The following SOX5 variants were observed in gnomAD, a reference collection of about 807,000 sequenced individuals.
SOX5 encodes the protein SRY-box transcription factor 5, also known as transcription factor SOX-5.
Under a neutral mutation model 92.0 loss-of-function variants are expected in SOX5, and 9 were observed. The ratio of observed to expected loss-of-function variants is 0.10; its 90% CI spans 0.06 to 0.17. SOX5 has a LOEUF of 0.17. Ranked by LOEUF, SOX5 falls within the 10% of genes least tolerant of loss-of-function variation. SOX5 has a pLI of 1.00. For missense variants in SOX5, 642 were observed against 944.5 expected, an observed-to-expected ratio of 0.68 and a Z score of 4.20; for synonymous variants, 344 against 336.3, an observed-to-expected ratio of 1.02 and a Z score of -0.25.
At chr12:23,963,472 G>T (rs569403741) in intron 4 of SOX5, among the ~76,000 whole-genome samples, 1 of 152,140 alleles carries the variant, frequency 6.6e-6, no homozygotes, top group African/African-American at 2.4e-5. Context: ...GCAGATGCAG[G>T]ATTCAGGGGA....
intron 1 of SOX5, among the ~76,000 whole-genome samples, chr12:24,435,519 T>C (rs924297564): frequency 2.6e-5 from 4 of 152,242 alleles, no homozygotes; most frequent in Admixed American, 6.5e-5. Context: ...TACTAGATTA[T>C]ACATTTCTTG....
At chr12:24,083,750 T>C (rs1332533519) in intron 4 of SOX5, among the ~76,000 whole-genome samples, 1 of 151,908 alleles carries the variant, frequency 6.6e-6, no homozygotes, top group Non-Finnish European at 1.5e-5. Context: ...CAAGAAGGAA[T>C]AAAATGTAAA....
At chr12:23,775,844 AC>A (rs2095080041) in intron 3 of SOX5, among the ~76,000 whole-genome samples, 1 of 151,930 alleles carries the variant, frequency 6.6e-6, no homozygotes, top group African/African-American at 2.4e-5. Flanking sequence ...CTCATATTTC[AC>A]TTTTTGAGAA....
chr12:23,915,099 A>G (rs554378990), intron 1 of SOX5, among the ~76,000 whole-genome samples: 3 of 152,268 alleles, frequency 2.0e-5, no homozygotes, highest in East Asian at 3.9e-4. Context: ...CATGTTACTT[A>G]ACCTCTCTGA....
At chr12:23,560,798 A>G (rs1354244000) in intron 11 of SOX5, among the ~76,000 whole-genome samples, 1 of 152,206 alleles carries the variant, frequency 6.6e-6, no homozygotes, top group African/African-American at 2.4e-5. Context: ...TCTAGAAATG[A>G]CACCCAAGTT....
At chr12:24,057,864 A>G (rs1958286995) in intron 4 of SOX5, among the ~76,000 whole-genome samples, 1 of 152,254 alleles carries the variant, frequency 6.6e-6, no homozygotes, top group South Asian at 2.1e-4. Flanking sequence ...AATAGCAGAA[A>G]TAAGTCTGCT....
chr12:23,749,018 T>C (rs759451812), intron 4 of SOX5, among the ~76,000 whole-genome samples: 3 of 151,842 alleles, frequency 2.0e-5, no homozygotes, highest in Non-Finnish European at 4.4e-5. Flanking sequence ...ACTAAGTTAG[T>C]CTAAATTTAT....
Position 23,684,452 on chromosome 12 carries a change from T to C in SOX5, c.811-18888A>G, listed in dbSNP as rs146993000. On this transcript the variant is annotated intron_variant, in intron 6 of 14. Coordinates refer to ENST00000451604, the MANE Select transcript of SOX5 (RefSeq NM_006940.6). ...CTAGATCTGCTGGAACTTCCTAGTATTGCTTTGCTCACTTCTCTTTAGGAT... is the reference window on the plus strand; with the variant it reads ...CTAGATCTGCTGGAACTTCCTAGTACTGCTTTGCTCACTTCTCTTTAGGAT... 9.5e-3 allele frequency among the ~76,000 whole-genome samples: 1,440 copies of C among 152,136 alleles called. 28 individuals are homozygous for C. Among genetic ancestry groups the C allele is most frequent in the African/African-American group, 0.033 (1,358 of 41,538 alleles).
At chr12:24,399,500 T>C (rs1258444059) in intron 1 of SOX5, among the ~76,000 whole-genome samples, 1 of 152,254 alleles carries the variant, frequency 6.6e-6, no homozygotes, top group Non-Finnish European at 1.5e-5. Flanking sequence ...CAAATTCTGT[T>C]CTTGGAATTA....
intron 1 of SOX5, among the ~76,000 whole-genome samples, chr12:24,370,541 C>T (rs1956630260): frequency 6.6e-6 from 1 of 150,992 alleles, no homozygotes; most frequent in Admixed American, 6.6e-5. Context: ...CCTGTAATCC[C>T]GGCACTTTGG....
intron 4 of SOX5, among the ~76,000 whole-genome samples, chr12:24,096,376 T>C (rs1226627069): frequency 6.6e-6 from 1 of 152,180 alleles, no homozygotes; most frequent in Non-Finnish European, 1.5e-5. Context: ...ACTCACAATG[T>C]TGTGAAACCA....
chr12:24,309,921 A>G (rs976171536), intron 2 of SOX5, among the ~76,000 whole-genome samples: 1 of 152,040 alleles, frequency 6.6e-6, no homozygotes, highest in Non-Finnish European at 1.5e-5. Flanking sequence ...AGATCTTTTG[A>G]TATGCTTGCC....
intron 3 of SOX5, among the ~76,000 whole-genome samples, chr12:23,821,193 A>C (rs2096107735): frequency 6.6e-6 from 1 of 152,106 alleles, no homozygotes. Flanking sequence ...GCAATTGTGA[A>C]TGGGAGTTTG....
intron 1 of SOX5, among the ~76,000 whole-genome samples, chr12:24,396,267 T>C (rs1353857408): frequency 1.3e-5 from 2 of 152,198 alleles, no homozygotes; most frequent in East Asian, 1.9e-4. Flanking sequence ...TCGTCCTTCA[T>C]TGTACCCTGT....
intron 2 of SOX5, among the ~76,000 whole-genome samples, chr12:24,304,837 C>T (rs1289149361): frequency 1.3e-5 from 2 of 152,140 alleles, no homozygotes; most frequent in Non-Finnish European, 2.9e-5. Flanking sequence ...CTAGACCCTC[C>T]CTCTCCCTCA....
intron 2 of SOX5, among the ~76,000 whole-genome samples, chr12:23,847,928 A>AACAC (rs139563978): frequency 6.6e-6 from 1 of 151,636 alleles, no homozygotes; most frequent in African/African-American, 2.4e-5. Flanking sequence ...CAAACACATA[A>AACAC]ACACACACAC....
intron 2 of SOX5, among the ~76,000 whole-genome samples, chr12:24,314,156 G>A (rs1265548775): frequency 1.3e-5 from 2 of 152,126 alleles, no homozygotes; most frequent in Non-Finnish European, 1.5e-5. Flanking sequence ...TCCATTCCTT[G>A]ACCAAAACCT....
chr12:23,626,715 A>G (rs972518106), intron 8 of SOX5, among the ~76,000 whole-genome samples: 1 of 134,792 alleles, frequency 7.4e-6, no homozygotes, highest in Admixed American at 8.3e-5. Context: ...TCCATGAGAT[A>G]TAGGTAGATA....
chr12:24,244,409 G>A (rs1938186997), intron 3 of SOX5, among the ~76,000 whole-genome samples: 1 of 152,126 alleles, frequency 6.6e-6, no homozygotes, highest in Non-Finnish European at 1.5e-5. Flanking sequence ...CCCTCCTACT[G>A]ACTGTGCTGC....
Sources: allele counts gnomAD v4.1 joint callset (sites outside exome capture counted in the v4.1 genomes callset), GRCh38; gene constraint gnomAD v4.1.1; transcripts MANE v1.5; gene names NCBI Gene and HGNC (gene_info 2026-07-23, HGNC 2026-07-21).